FLT4: variants seen among roughly 807,000 people sequenced by gnomAD.
FLT4 encodes vascular endothelial growth factor receptor 3.
In FLT4, 30 loss-of-function variants were observed where a neutral mutation model predicts 163.2. The ratio of observed to expected loss-of-function variants is 0.18; its 90% confidence interval spans 0.14 to 0.25. FLT4 has a LOEUF of 0.25. FLT4 is among the 10% of genes least tolerant of loss of function. The pLI, the probability that FLT4 is intolerant of heterozygous loss-of-function variation, is 1.00. For synonymous variants in FLT4, 884 were observed against 789.5 expected (o/e 1.12, Z -2.01); for missense variants, 1,510 against 1,863.8 (o/e 0.81, Z 3.50).
intron 8 of FLT4, among the ~76,000 whole-genome samples, chr5:180,627,115 G>A (rs1763684878): frequency 6.6e-6 from 1 of 152,194 alleles, no homozygotes; most frequent in Non-Finnish European, 1.5e-5. Context: ...GCCCCTGCAG[G>A]CACCTGTCTC....
Position 180,621,874 on chromosome 5 carries a change from T to C in FLT4, c.1688A>G (p.Lys563Arg), listed in dbSNP as rs1352130282. The stretch of plus-strand genomic sequence containing the variant: ...GCCCTCTAGTAGCTCCTCGGATGGC[T>C]TGGATTCGATGGTGAAGCCGTCGGG... ...TIPDGFTIES[K>R]PSEELLEGQP... The change falls in exon 13 of 30, where the codon AAG becomes AGG. Residue 563 changes from lysine (K) to arginine (R), a missense_variant. Lys to Arg is a conservative substitution (Grantham distance 26). Transcript: ENST00000261937. The C allele has an allele frequency of 1.9e-6, 3 of 1,613,502 alleles. No individual in the cohort carries two copies. Among genetic ancestry groups the C allele is most frequent in the Non-Finnish European group, 2.5e-6 (3 of 1,179,984 alleles).
chr5:180,649,425 T>C (rs2127879130), intron 1 of FLT4, 63 bp downstream of exon 1: 1 of 1,280,902 alleles, frequency 7.8e-7, no homozygotes, highest in Non-Finnish European at 1.0e-6. Flanking sequence ...CCGCCCCAGG[T>C]GCGCGGTACC....
chr5:180,650,196 A>G (rs912574451), upstream of FLT4, among the ~76,000 whole-genome samples: 16 of 150,286 alleles, frequency 1.1e-4, no homozygotes, highest in Non-Finnish European at 2.2e-4. Flanking sequence ...AAGCAAAAAC[A>G]AAACCCGTTC....
In FLT4 at chr5:180,625,909, G is replaced by A. The variant is rs1434669520; in HGVS notation, c.1381C>T (p.Arg461Trp). The A allele has an allele frequency of 6.2e-7, 1 of 1,612,444 alleles. No homozygotes were observed. Among genetic ancestry groups the A allele is most frequent in the Non-Finnish European group, 8.5e-7 (1 of 1,179,970 alleles). Residue 461 changes from arginine to tryptophan, a missense_variant, in exon 10 of 30, where the codon CGG becomes TGG. Arg to Trp is a moderately radical substitution (Grantham distance 101). Transcript: ENST00000261937. Reference protein sequence around the residue: ...PLPLSIQWHWRPWTPCKMFAQ... With the variant: ...PLPLSIQWHWWPWTPCKMFAQ... ...AACATCTTGCAGGGTGTCCAGGGCC[G>A]CCAGTGCCACTGGATGCTGAGAGGC... is the stretch of plus-strand genomic sequence containing the variant.
chr5:180,602,236 G>A lies in FLT4; in HGVS notation c.*956C>T. ...ATCCCACAGTGTTCATCTCTCATGA[G>A]CTGGTTCACGGCTTGGGAGGGGCCG... On this transcript the variant is annotated 3_prime_UTR_variant, in exon 30 of 30. Coordinates refer to ENST00000261937, the MANE Select transcript of FLT4 (RefSeq NM_182925.5). 4.1e-6 allele frequency: 1 copy of A among 241,380 alleles called. No homozygotes were observed. Among genetic ancestry groups the A allele is most frequent in the Admixed American group, 5.6e-5 (1 of 17,972 alleles). The allele number at this position is 241,380 out of a possible 1,614,324, so 15.0% of individuals were successfully genotyped here. A position where few individuals can be genotyped will look rare whatever the true frequency, so the allele number is the denominator to read the frequency against.
At chr5:180,634,010 T>C (rs1459755626) in intron 1 of FLT4, among the ~76,000 whole-genome samples, 1 of 152,082 alleles carries the variant, frequency 6.6e-6, no homozygotes, top group Non-Finnish European at 1.5e-5. Flanking sequence ...TCAGCCCAGC[T>C]TCCTCTGATG....
At position 180,603,248 on chromosome 5, in the gene FLT4, C is replaced by G. The variant is rs746834315; in HGVS notation, c.4036G>C (p.Glu1346Gln). ...CGGGCAGACGGGGAGCAGTGGTCCTCCTCGCTTGGCTCCGACAGCTCCCCA... is the reference window on the plus strand; with the variant it reads ...CGGGCAGACGGGGAGCAGTGGTCCTGCTCGCTTGGCTCCGACAGCTCCCCA... ...EYGELSEPSE[E>Q]DHCSPSARVT... Residue 1346 changes from glutamate (E) to glutamine (Q), a missense_variant, in exon 30 of 30, where the codon GAG becomes CAG. Glu to Gln is a conservative substitution (Grantham distance 29). Coordinates refer to ENST00000261937, the MANE Select transcript of FLT4 (RefSeq NM_182925.5). The G allele has an allele frequency of 6.2e-7, 1 of 1,614,200 alleles. No homozygotes were observed. Among genetic ancestry groups the G allele is most frequent in the South Asian group, 1.1e-5 (1 of 91,086 alleles).
At chr5:180,608,834 G>C (rs1253782273) in intron 29 of FLT4, 134 bp downstream of exon 29, 1 of 783,218 alleles carries the variant, frequency 1.3e-6, no homozygotes, top group Admixed American at 1.9e-5. Flanking sequence ...AGCTCACCTT[G>C]AACGCGCGAA....
At chr5:180,629,157 G>A (rs1763885962) in intron 7 of FLT4, 102 bp downstream of exon 7, 2 of 1,505,426 alleles carry the variant, frequency 1.3e-6, no homozygotes, top group South Asian at 2.3e-5. Flanking sequence ...CTCTGCTCGT[G>A]GCCCTCCCTT....
At chr5:180,608,722 G>A (rs958906961) in intron 29 of FLT4, among the ~76,000 whole-genome samples, 1 of 152,168 alleles carries the variant, frequency 6.6e-6, no homozygotes, top group Non-Finnish European at 1.5e-5. Flanking sequence ...CAGCATCTGA[G>A]CTCTGTCAGA....
chr5:180,616,256 G>A (rs1285837697), intron 23 of FLT4, 111 bp downstream of exon 23: 2 of 1,493,040 alleles, frequency 1.3e-6, no homozygotes, highest in East Asian at 2.3e-5. Context: ...GGCCAACCAA[G>A]GAGCTCACCT....
chr5:180,626,169 G>C lies in FLT4; in HGVS notation c.1200C>G (p.Ala400=), dbSNP rs201446340. ...TEASTGTYTL[A]LWNSAAGLRR... ...TCAGGCCAGCAGCGGAGTTCCACAGGGCGAGGGTGTAGGTGCCTGTGCTGG... is the reference window on the plus strand; with the variant it reads ...TCAGGCCAGCAGCGGAGTTCCACAGCGCGAGGGTGTAGGTGCCTGTGCTGG... The change falls in exon 9 of 30, where the codon GCC becomes GCG. Residue 400 remains alanine, a synonymous_variant. Coordinates refer to ENST00000261937, the MANE Select transcript of FLT4 (RefSeq NM_182925.5). The C allele has an allele frequency of 1.9e-6, 3 of 1,612,876 alleles. 1 individual carries two copies. In the South Asian group the frequency reaches 3.3e-5, roughly 18 times the overall value.
intron 1 of FLT4, among the ~76,000 whole-genome samples, chr5:180,641,378 G>A (rs1164251274): frequency 1.3e-5 from 2 of 152,212 alleles, no homozygotes; most frequent in Non-Finnish European, 2.9e-5. Flanking sequence ...ATGGCCCTGC[G>A]GTGGCCACCC....
At chr5:180,628,220 G>A (rs1763788878) in intron 8 of FLT4, among the ~76,000 whole-genome samples, 1 of 152,226 alleles carries the variant, frequency 6.6e-6, no homozygotes, top group South Asian at 2.1e-4. Context: ...GACTGTGGGT[G>A]AGCCATGTGG....
intron 1 of FLT4, among the ~76,000 whole-genome samples, chr5:180,642,622 C>G (rs1375458790): frequency 6.6e-6 from 1 of 152,210 alleles, no homozygotes; most frequent in Non-Finnish European, 1.5e-5. Context: ...CCCTCCCTGA[C>G]AGCTCTCCTG....
At chr5:180,640,169 G>A (rs933976400) in intron 1 of FLT4, among the ~76,000 whole-genome samples, 1 of 152,190 alleles carries the variant, frequency 6.6e-6, no homozygotes, top group African/African-American at 2.4e-5. Context: ...GCAGGGTGGG[G>A]GAACGTCCCA....
intron 29 of FLT4, chr5:180,607,987 G>A (rs904185622): frequency 1.4e-5 from 9 of 650,038 alleles, no homozygotes; most frequent in South Asian, 7.0e-5. Flanking sequence ...ATGAAAGGGC[G>A]TCTCCCTTTC....
chr5:180,612,533 C>A lies in FLT4; in HGVS notation c.3510G>T (p.Gly1170=). The change falls in exon 26 of 30, where the codon GGG becomes GGT. Residue 1170 remains glycine, a synonymous_variant. Transcript: ENST00000261937. ...GCAGGCCCCTGCCCTGGAGCAGGTC[C>A]CCCAGGATCTCCACCAGCTCCGAGA... ...PAFSELVEIL[G]DLLQGRGLQE... The A allele has an allele frequency of 1.2e-6, 2 of 1,613,868 alleles. No individual in the cohort carries two copies. Among genetic ancestry groups the A allele is most frequent in the South Asian group, 2.2e-5 (2 of 91,084 alleles).
In FLT4 at chr5:180,636,638, T is replaced by C. The variant is rs1348700950; in HGVS notation, c.59-4860A>G. 2.0e-5 allele frequency among the ~76,000 whole-genome samples: 3 copies of C among 147,234 alleles called. No individual in the cohort carries two copies. The highest frequency in any genetic ancestry group is 2.3e-4 in the South Asian group (1 of 4,428). ...GCACCCTGGCCTCTGAGATCCCCCC[T>C]GCACGGCCCTCACATCTTCTCCTCC... On this transcript the variant is annotated intron_variant, in intron 1 of 29. Coordinates refer to ENST00000261937, the MANE Select transcript of FLT4 (RefSeq NM_182925.5). The surrounding 1 kb of genome is among the most constrained non-coding windows in gnomAD (Gnocchi z 4.3).
Sources: gnomAD v4.1 joint callset for allele counts (sites outside exome capture counted in the v4.1 genomes callset) on GRCh38, gnomAD v4.1.1 for gene constraint, Gnocchi (gnomAD v3.1) non-coding constraint, MANE v1.5 for transcripts, NCBI Gene and HGNC (gene_info 2026-07-23, HGNC 2026-07-21) for gene names.